The following TENM3 variants were observed in gnomAD, a reference collection of about 807,000 sequenced individuals.
The protein encoded by TENM3 is teneurin transmembrane protein 3, also known as teneurin-3.
In TENM3, 63 loss-of-function variants were observed where a neutral mutation model predicts 255.1. The ratio of observed to expected loss-of-function variants is 0.25; its 90% CI spans 0.20 to 0.30. The LOEUF is 0.30. TENM3 is among the 10% of genes least tolerant of loss of function. TENM3 has a pLI of 1.00. For synonymous variants in TENM3, 1,306 were observed against 1,322.3 expected, an observed-to-expected ratio of 0.99 and a Z score of 0.27; for missense variants, 2,929 against 3,461.1, an observed-to-expected ratio of 0.85 and a Z score of 3.86.
intron 3 of TENM3, among the ~76,000 whole-genome samples, chr4:182,434,010 A>G (rs374114409): frequency 4.6e-5 from 7 of 152,092 alleles, no homozygotes; most frequent in African/African-American, 1.7e-4. Context: ...GCTGCTCGGG[A>G]GACTGAGGCA....
intron 3 of TENM3, among the ~76,000 whole-genome samples, chr4:182,460,520 G>A (rs143411152): frequency 3.9e-5 from 6 of 152,206 alleles, no homozygotes; most frequent in African/African-American, 1.2e-4. Flanking sequence ...ATACACTAGC[G>A]GTTGCCTGTG....
chr4:182,049,140 T>C, the TENM3 span, among the ~76,000 whole-genome samples: 1 of 152,124 alleles, frequency 6.6e-6, no homozygotes. Context: ...TGTGTCTCTT[T>C]CTATGTCCAG....
At chr4:182,364,502 C>T (rs1233218290) in intron 3 of TENM3, among the ~76,000 whole-genome samples, 3 of 152,136 alleles carry the variant, frequency 2.0e-5, no homozygotes, top group South Asian at 2.1e-4. Context: ...CTGCAAGCTC[C>T]GTCTTCCGGG....
At chr4:182,347,159 G>A (rs1205262606) in intron 3 of TENM3, among the ~76,000 whole-genome samples, 1 of 151,932 alleles carries the variant, frequency 6.6e-6, no homozygotes, top group Non-Finnish European at 1.5e-5. Flanking sequence ...TGTTAAATTA[G>A]GCAAGCAGTC....
At chr4:182,205,198 C>T (rs1754469987) in intron 1 of TENM3, among the ~76,000 whole-genome samples, 2 of 152,234 alleles carry the variant, frequency 1.3e-5, no homozygotes, top group Non-Finnish European at 2.9e-5. Flanking sequence ...ACTCTTCCAC[C>T]CCGTGTCTAT....
the TENM3 span, among the ~76,000 whole-genome samples, chr4:181,916,282 C>T: frequency 2.0e-5 from 3 of 152,128 alleles, no homozygotes; most frequent in East Asian, 3.9e-4. Flanking sequence ...TTTCTAACAT[C>T]GAATTAGAAT....
chr4:181,678,246 A>G, the TENM3 span, among the ~76,000 whole-genome samples: 1 of 152,068 alleles, frequency 6.6e-6, no homozygotes, highest in East Asian at 1.9e-4. Flanking sequence ...TTTGAAGAAA[A>G]CAGAGTTCAG....
At chr4:181,885,397 G>T in the TENM3 span, among the ~76,000 whole-genome samples, 2 of 152,074 alleles carry the variant, frequency 1.3e-5, no homozygotes, top group African/African-American at 4.8e-5. Flanking sequence ...CGAGTAGCTG[G>T]GATTGCAGGC....
chr4:181,690,590 A>T, the TENM3 span, among the ~76,000 whole-genome samples: 1 of 152,154 alleles, frequency 6.6e-6, no homozygotes, highest in Admixed American at 6.6e-5. Context: ...AAATTGTGAC[A>T]CTCACTCATC....
chr4:182,308,760 T>G (rs1762275683), intron 1 of TENM3, among the ~76,000 whole-genome samples: 1 of 152,224 alleles, frequency 6.6e-6, no homozygotes. Context: ...AGTCATAATA[T>G]TTGAGTGTAT....
At chr4:182,459,770 A>G (rs961897079) in intron 3 of TENM3, among the ~76,000 whole-genome samples, 1 of 152,280 alleles carries the variant, frequency 6.6e-6, no homozygotes, top group African/African-American at 2.4e-5. Context: ...TTATTTATCT[A>G]TTAATATTAG....
chr4:181,868,614 A>G, the TENM3 span, among the ~76,000 whole-genome samples: 2 of 152,158 alleles, frequency 1.3e-5, no homozygotes, highest in Admixed American at 1.3e-4. Flanking sequence ...GGTATTCATC[A>G]CGTCAAATGT....
the TENM3 span, among the ~76,000 whole-genome samples, chr4:181,855,693 T>C: frequency 3.9e-5 from 6 of 152,194 alleles, no homozygotes; most frequent in African/African-American, 1.4e-4. Context: ...ATGTAGAAAC[T>C]AGTTAAGTCT....
chr4:181,929,201 G>A, the TENM3 span, among the ~76,000 whole-genome samples: 1 of 152,078 alleles, frequency 6.6e-6, no homozygotes, highest in African/African-American at 2.4e-5. Flanking sequence ...ATGTAAATGG[G>A]CTAAATGCCC....
rs530043997 is a variant in TENM3 at position 182,706,636 on chromosome 4, C to A, written c.2222-7451C>A. Among the ~76,000 whole-genome samples the A allele has an allele frequency of 1.4e-4, 22 of 152,220 alleles. 1 individual carries two copies. The South Asian group carries it at 4.6e-3, about 32-fold the overall frequency. ...AGTACATTTGGTCATTTTATATGGTCATTTTATCTGCTTTAATATAAAGCA... is the reference window on the plus strand; with the variant it reads ...AGTACATTTGGTCATTTTATATGGTAATTTTATCTGCTTTAATATAAAGCA... On this transcript the variant is annotated intron_variant, in intron 12 of 27. Transcript: ENST00000511685.
At chr4:182,432,032 G>A (rs1482749722) in intron 3 of TENM3, among the ~76,000 whole-genome samples, 4 of 149,106 alleles carry the variant, frequency 2.7e-5, no homozygotes, top group East Asian at 3.9e-4. Context: ...GCCGAGATCC[G>A]AGATCGCGCT....
the TENM3 span, among the ~76,000 whole-genome samples, chr4:182,109,752 T>C: frequency 2.6e-5 from 4 of 152,336 alleles, no homozygotes; most frequent in Non-Finnish European, 5.9e-5. Flanking sequence ...TGAAATGTGT[T>C]GATGTTTAGA....
At chr4:182,401,916 C>T (rs1004053733) in intron 3 of TENM3, among the ~76,000 whole-genome samples, 2 of 152,110 alleles carry the variant, frequency 1.3e-5, no homozygotes, top group Non-Finnish European at 2.9e-5. Flanking sequence ...TGGTGCGATC[C>T]GTTATTACCA....
intron 5 of TENM3, among the ~76,000 whole-genome samples, chr4:182,643,336 TTGACTC>T (rs1752476596): frequency 6.6e-6 from 1 of 152,210 alleles, no homozygotes. Context: ...ACATGATAGT[TTGACTC>T]TATGCAATGT....
Sources: allele counts gnomAD v4.1 joint callset (sites outside exome capture counted in the v4.1 genomes callset), GRCh38; gene constraint gnomAD v4.1.1; transcripts MANE v1.5; gene names NCBI Gene and HGNC (gene_info 2026-07-23, HGNC 2026-07-21).